Variants in BBOF1 observed in about 807,000 individuals in gnomAD.
The protein encoded by BBOF1 is basal body orientation factor 1.
Under a neutral mutation model 68.0 loss-of-function variants are expected in BBOF1, and 62 were observed. The ratio of observed to expected loss-of-function variants is 0.91; its 90% CI spans 0.74 to 1.13. BBOF1 has a LOEUF of 1.13. Among genes scored for constraint, BBOF1 ranks in the 50% most tolerant of loss-of-function variants. The probability of loss-of-function intolerance (pLI) is 0.00; values close to 1 mark genes in which losing one functional copy is unlikely to be tolerated. For synonymous variants in BBOF1, 208 were observed against 198.8 expected, an observed-to-expected ratio of 1.05 and a Z score of -0.39; for missense variants, 534 against 600.1, an observed-to-expected ratio of 0.89 and a Z score of 1.15.
At chr14:74,066,108 T>C (rs1411047709), downstream of BBOF1, 1 of 154,356 alleles carries the variant, frequency 6.5e-6, no homozygotes, top group Non-Finnish European at 1.4e-5. Flanking sequence ...TTTGTCACTT[T>C]CAATAAATAT....
At chr14:74,037,274 CTTTTTTTTTTTT>C (rs892262272) in intron 4 of BBOF1, among the ~76,000 whole-genome samples, 82 of 66,012 alleles carry the variant, frequency 1.2e-3, no homozygotes, top group Middle Eastern at 0.019. Context: ...CGCCTGGCCT[CTTTTTTTTTTTT>C]TTTTTTTTTT....
At chr14:74,035,413 C>CT (rs35957144) in intron 4 of BBOF1, among the ~76,000 whole-genome samples, 1,326 of 97,356 alleles carry the variant, frequency 0.014, 21 homozygotes, top group African/African-American at 0.031. Context: ...CATATGGGCC[C>CT]TTTTTTTTTT....
At chr14:74,057,610 C>A in intron 11 of BBOF1, 1 of 1,337,730 alleles carries the variant, frequency 7.5e-7, no homozygotes, top group Non-Finnish European at 9.7e-7. Context: ...GTCATTACAA[C>A]CTAGAGGACA....
intron 8 of BBOF1, among the ~76,000 whole-genome samples, chr14:74,050,753 G>C (rs957085750): frequency 6.6e-6 from 1 of 152,036 alleles, no homozygotes; most frequent in South Asian, 2.1e-4. Flanking sequence ...TTACTATCCT[G>C]AGATGAAATT....
At chr14:74,036,092 A>C (rs923983083) in intron 4 of BBOF1, among the ~76,000 whole-genome samples, 3 of 151,448 alleles carry the variant, frequency 2.0e-5, no homozygotes, top group African/African-American at 7.3e-5. Flanking sequence ...GTGTTGCTCT[A>C]TTGCCCACGC....
Position 74,055,649 on chromosome 14 carries a change from G to A in BBOF1, c.1352G>A (p.Arg451Gln), listed in dbSNP as rs1469003732. The change falls in exon 9 of 12, where the codon CGA (arginine) becomes CAA (glutamine). Residue 451 changes from arginine to glutamine, a missense_variant. Arg to Gln is a conservative substitution (Grantham distance 43). Transcript: ENST00000394009. ...TGGGAGCAGAAGGAAAAAGTATTGC[G>A]ATTGCTCTTTGCAAAAATGAATGGC... ...LTWEQKEKVL[R>Q]LLFAKMNGCP... is the part of the protein sequence containing the mutation. The A allele has an allele frequency of 1.1e-5, 18 of 1,613,706 alleles. No individual in the cohort carries two copies. In the East Asian group the frequency reaches 1.6e-4, roughly 14 times the overall value.
intron 9 of BBOF1, 152 bp downstream of exon 9, chr14:74,055,837 C>G (rs1385271404): frequency 4.4e-5 from 24 of 545,726 alleles, no homozygotes; most frequent in Non-Finnish European, 5.8e-5. Flanking sequence ...ACTGCAGCTC[C>G]CAGAGATAAA....
At chr14:74,071,035 C>G, downstream of BBOF1, 1 of 751,404 alleles carries the variant, frequency 1.3e-6, no homozygotes, top group Non-Finnish European at 2.3e-6. Context: ...GTTACCTTGG[C>G]GCACAAAGAT....
At chr14:74,027,776 A>T in intron 2 of BBOF1, among the ~76,000 whole-genome samples, 1 of 152,098 alleles carries the variant, frequency 6.6e-6, no homozygotes, top group East Asian at 1.9e-4. Flanking sequence ...ATGAAGAAGC[A>T]TCAGCTAAGC....
chr14:74,039,713 C>T (rs113275519), intron 4 of BBOF1, among the ~76,000 whole-genome samples: 2,466 of 152,126 alleles, frequency 0.016, 65 homozygotes, highest in African/African-American at 0.057. Context: ...ACTGGGATTA[C>T]AGGCATGAGC....
chr14:74,050,323 G>T, intron 8 of BBOF1, 128 bp downstream of exon 8: 1 of 1,007,672 alleles, frequency 9.9e-7, no homozygotes. Context: ...GTTACTTGAG[G>T]ACAGGAACTG....
At position 74,055,597 on chromosome 14, in the gene BBOF1, G is replaced by A. The variant is rs1235695940; in HGVS notation, c.1300G>A (p.Gly434Arg). The change falls in exon 9 of 12, where the codon GGA becomes AGA. Residue 434 changes from glycine to arginine, a missense_variant. Coordinates refer to ENST00000394009, the MANE Select transcript of BBOF1 (RefSeq NM_025057.3). ...LEAEKWTHIEGNVDIGDLTWE... is the reference protein window; with the variant it reads ...LEAEKWTHIERNVDIGDLTWE... ...GAAATTCTTTAGGACACATATTGAA[G>A]GAAATGTGGATATTGGAGATTTGAC... 6.2e-7 allele frequency: 1 copy of A among 1,612,138 alleles called. No individual in the cohort carries two copies. The highest frequency in any genetic ancestry group is 8.5e-7 in the Non-Finnish European group (1 of 1,178,700).
chr14:74,079,634 A>G (rs1461411624), intron 10 of BBOF1, among the ~76,000 whole-genome samples: 1 of 151,150 alleles, frequency 6.6e-6, no homozygotes, highest in East Asian at 2.0e-4. Context: ...GGGTTTCACC[A>G]TGTTAGCCAG....
Position 74,022,945 on chromosome 14 carries a change from T to A in BBOF1, c.86T>A (p.Val29Glu), listed in dbSNP as rs2140941954. Reference sequence around the variant, plus strand: ...TTAATAAAAACAGATGAATCTGTGGTGGACAGAGCCAAGGCCAATGCCTCC... The same window carrying A: ...TTAATAAAAACAGATGAATCTGTGGAGGACAGAGCCAAGGCCAATGCCTCC... ...KKLIKTDESVVDRAKANASLW... is the reference protein window; with the variant it reads ...KKLIKTDESVEDRAKANASLW... Residue 29 changes from valine to glutamate, a missense_variant, in exon 2 of 12, where the codon GTG (valine) becomes GAG (glutamate). Coordinates refer to ENST00000394009, the MANE Select transcript of BBOF1 (RefSeq NM_025057.3). 6.2e-7 allele frequency: 1 copy of A among 1,612,620 alleles called. No homozygotes were observed. The highest frequency in any genetic ancestry group is 1.1e-5 in the South Asian group (1 of 90,868).
chr14:74,030,075 A>G (rs1191875488), intron 3 of BBOF1, among the ~76,000 whole-genome samples: 1 of 152,168 alleles, frequency 6.6e-6, no homozygotes, highest in Non-Finnish European at 1.5e-5. Flanking sequence ...CTCCCTTAGG[A>G]TATATACCAG....
intron 2 of BBOF1, among the ~76,000 whole-genome samples, chr14:74,023,714 G>C (rs753107624): frequency 2.2e-4 from 33 of 151,988 alleles, no homozygotes; most frequent in Non-Finnish European, 3.2e-4. Flanking sequence ...CCAGGAGTTC[G>C]TGACCAGCCT....
chr14:74,033,942 C>T, intron 3 of BBOF1, 86 bp from the exon 4 acceptor site: 2 of 895,124 alleles, frequency 2.2e-6, no homozygotes, highest in Non-Finnish European at 3.2e-6. Context: ...AGAAGATATG[C>T]AAATGGCGTA....
intron 4 of BBOF1, among the ~76,000 whole-genome samples, chr14:74,036,973 C>CTTTTT (rs548819182): frequency 2.9e-5 from 3 of 104,404 alleles, no homozygotes; most frequent in Non-Finnish European, 5.8e-5. Context: ...TTTCTTTTTT[C>CTTTTT]TTTTTTTTTT....
At chr14:74,050,485 T>G (rs746914505) in intron 8 of BBOF1, among the ~76,000 whole-genome samples, 8 of 152,152 alleles carry the variant, frequency 5.3e-5, no homozygotes, top group Non-Finnish European at 1.2e-4. Flanking sequence ...ATAAGGTCAT[T>G]ATGTATCTTT....
Sources: allele counts gnomAD v4.1 joint callset (sites outside exome capture counted in the v4.1 genomes callset), GRCh38; gene constraint gnomAD v4.1.1; transcripts MANE v1.5; gene names NCBI Gene and HGNC (gene_info 2026-07-23, HGNC 2026-07-21).